The following ELAVL1 variants were observed in gnomAD, a reference collection of about 807,000 sequenced individuals.
The protein encoded by ELAVL1 is ELAV like RNA binding protein 1, also known as ELAV-like protein 1.
ELAVL1 carries 1 observed loss-of-function variant against 28.4 expected under a neutral mutation model. The observed-to-expected ratio is 0.04, with a 90% CI of 0.01 to 0.17. The LOEUF is 0.17. Among genes scored for constraint, ELAVL1 ranks in the 10% least tolerant of loss-of-function variants. ELAVL1 has a pLI of 1.00. For synonymous variants in ELAVL1, 174 were observed against 183.5 expected (o/e 0.95, Z 0.42); for missense variants, 157 against 447.2 (o/e 0.35, Z 5.85).
chr19:7,993,710 C>T (rs943707829), intron 1 of ELAVL1, among the ~76,000 whole-genome samples: 3 of 152,162 alleles, frequency 2.0e-5, no homozygotes, highest in South Asian at 2.1e-4. Flanking sequence ...GATGGCCACC[C>T]GCCTGGAGGT....
rs1271903430 is a variant in ELAVL1 at position 7,963,753 on chromosome 19, T to C, written c.711A>G (p.Pro237=). The C allele has an allele frequency of 1.2e-6, 2 of 1,614,274 alleles. No individual in the cohort carries two copies. Among genetic ancestry groups the C allele is most frequent in the Non-Finnish European group, 8.5e-7 (1 of 1,180,048 alleles). The change falls in exon 6 of 6, where the codon CCA becomes CCG. Residue 237 remains proline (P), a synonymous_variant. Coordinates refer to ENST00000407627, the MANE Select transcript of ELAVL1 (RefSeq NM_001419.3). This position sits in a 1 kb window ranked among gnomAD's most constrained non-coding sequence, Gnocchi z 4.5. ...HMSGLSGVNV[P]GNASSGWCIF... ...TGCACCAGCCGGAGGAGGCGTTTCCTGGCACGTTGACGCCAGAGAGCCCGC... is the reference window on the plus strand; with the variant it reads ...TGCACCAGCCGGAGGAGGCGTTTCCCGGCACGTTGACGCCAGAGAGCCCGC...
chr19:7,990,941 G>A (rs542921985), intron 2 of ELAVL1, among the ~76,000 whole-genome samples: 2 of 152,178 alleles, frequency 1.3e-5, no homozygotes, highest in Admixed American at 6.5e-5. Context: ...GCCTTCACAA[G>A]TGCCAGGACC....
At chr19:7,994,633 T>C (rs1985832210) in intron 1 of ELAVL1, among the ~76,000 whole-genome samples, 1 of 152,190 alleles carries the variant, frequency 6.6e-6, no homozygotes. Flanking sequence ...GCCAGTCACA[T>C]GGAATAAAAT....
intron 2 of ELAVL1, among the ~76,000 whole-genome samples, chr19:7,990,090 T>C (rs749686285): frequency 2.0e-5 from 3 of 152,244 alleles, no homozygotes; most frequent in African/African-American, 7.2e-5. Context: ...TGGCACAATC[T>C]CAGCTCATTG....
At chr19:7,970,967 G>A (rs1985093673) in intron 4 of ELAVL1, among the ~76,000 whole-genome samples, 1 of 152,214 alleles carries the variant, frequency 6.6e-6, no homozygotes, top group African/African-American at 2.4e-5. Flanking sequence ...TACAGCCCTG[G>A]GATGGGAGCC....
At position 7,971,021 on chromosome 19, in the gene ELAVL1, C is replaced by T. The variant is rs1331550113; in HGVS notation, c.430+2704G>A. Reference sequence around the variant, plus strand: ...TGCATCCTGGGGTGGGAAGCAGAGCCGGGAGACCCTCCTGGCTCCCTTCTC... The same window carrying T: ...TGCATCCTGGGGTGGGAAGCAGAGCTGGGAGACCCTCCTGGCTCCCTTCTC... On this transcript the variant is annotated intron_variant, in intron 4 of 5. Coordinates refer to ENST00000407627, the MANE Select transcript of ELAVL1 (RefSeq NM_001419.3). 1.9e-4 allele frequency among the ~76,000 whole-genome samples: 29 copies of T among 152,166 alleles called. 1 individual carries two copies. The highest frequency in any genetic ancestry group is 6.5e-5 in the Admixed American group (1 of 15,278).
chr19:7,974,809 A>AGCC (rs1985233608), intron 3 of ELAVL1, among the ~76,000 whole-genome samples: 2 of 152,202 alleles, frequency 1.3e-5, no homozygotes, highest in Admixed American at 1.3e-4. Flanking sequence ...CGCAGGGAGA[A>AGCC]GCCGCCACTC....
At chr19:7,997,509 G>A (rs2081053601) in intron 1 of ELAVL1, among the ~76,000 whole-genome samples, 1 of 152,184 alleles carries the variant, frequency 6.6e-6, no homozygotes, top group Admixed American at 6.6e-5. Flanking sequence ...ATTACACAGG[G>A]ACAGGAGGAG....
At chr19:7,991,936 T>C (rs866380784) in intron 1 of ELAVL1, 105 bp from the exon 2 acceptor site, 64 of 1,031,050 alleles carry the variant, frequency 6.2e-5, no homozygotes, top group South Asian at 2.0e-4. Context: ...TTCTTTCTTT[T>C]TTTTTTTTTT....
chr19:7,989,092 C>T (rs1985687230), intron 2 of ELAVL1, among the ~76,000 whole-genome samples: 2 of 152,158 alleles, frequency 1.3e-5, no homozygotes, highest in African/African-American at 4.8e-5. Flanking sequence ...GGATCAGATT[C>T]GCCGGGGTGC....
chr19:7,988,754 C>T (rs554122572), intron 2 of ELAVL1, among the ~76,000 whole-genome samples: 22 of 152,324 alleles, frequency 1.4e-4, no homozygotes, highest in Admixed American at 7.2e-4. Flanking sequence ...GTGTCCAGTG[C>T]GGCGTCCAGC....
intron 3 of ELAVL1, among the ~76,000 whole-genome samples, chr19:7,976,121 G>C (rs1472254879): frequency 6.8e-6 from 1 of 146,668 alleles, no homozygotes; most frequent in Non-Finnish European, 1.5e-5. Context: ...ATTTTTTTTT[G>C]GCTGGGCGCA....
Position 7,961,818 on chromosome 19 carries a change from A to G in ELAVL1, c.*1665T>C, listed in dbSNP as rs536246649. 6.6e-6 allele frequency: 1 copy of G among 152,130 alleles called. No individual in the cohort carries two copies. The highest frequency in any genetic ancestry group is 1.5e-5 in the Non-Finnish European group (1 of 68,028). 9.4% of individuals were successfully genotyped at this position (152,130 alleles called of 1,614,324 possible). On this transcript the variant is annotated 3_prime_UTR_variant, in exon 6 of 6. Coordinates refer to ENST00000407627, the MANE Select transcript of ELAVL1 (RefSeq NM_001419.3). ...GCTCTGGGGACGGTGGTGCCTGCCT[A>G]TTGCTCAATTTCACACTTCAATAAA... is the stretch of plus-strand genomic sequence containing the variant.
intron 2 of ELAVL1, among the ~76,000 whole-genome samples, chr19:7,986,287 TGA>T (rs1472585096): frequency 1.3e-5 from 2 of 152,172 alleles, no homozygotes; most frequent in Non-Finnish European, 2.9e-5. Context: ...AAGACCTCAC[TGA>T]GAGACAGAGA....
At position 7,963,250 on chromosome 19, in the gene ELAVL1, T is replaced by C. The variant is rs1031111900; in HGVS notation, c.*233A>G. 2 of 537,504 alleles carry C rather than the reference T, an allele frequency of 3.7e-6. No individual in the cohort carries two copies. The highest frequency in any genetic ancestry group is 6.5e-6 in the Non-Finnish European group (2 of 306,758). 33.3% of individuals were successfully genotyped at this position (537,504 alleles called of 1,614,324 possible). A position where few individuals can be genotyped will look rare whatever the true frequency, so the allele number is the denominator to read the frequency against. Reference sequence around the variant, plus strand: ...CAGTTCTACTTAGATTTCTGTTTAATATATATCTTAAAGGAAATAACTTAC... The same window carrying C: ...CAGTTCTACTTAGATTTCTGTTTAACATATATCTTAAAGGAAATAACTTAC... On this transcript the variant is annotated 3_prime_UTR_variant, in exon 6 of 6. Coordinates refer to ENST00000407627, the MANE Select transcript of ELAVL1 (RefSeq NM_001419.3). The surrounding 1 kb of genome is among the most constrained non-coding windows in gnomAD (Gnocchi z 4.5).
At chr19:7,989,524 C>T (rs778439147) in intron 2 of ELAVL1, among the ~76,000 whole-genome samples, 4 of 152,212 alleles carry the variant, frequency 2.6e-5, no homozygotes, top group African/African-American at 9.6e-5. Context: ...CACAAGGGAA[C>T]AGACAAAGAA....
chr19:7,998,681 C>G (rs549472040), intron 1 of ELAVL1, among the ~76,000 whole-genome samples: 5 of 152,092 alleles, frequency 3.3e-5, no homozygotes, highest in Non-Finnish European at 5.9e-5. Flanking sequence ...GGGGGTCTCT[C>G]TTTGTTGCCC....
At position 7,978,721 on chromosome 19, in the gene ELAVL1, A is replaced by G. The variant is rs184687193; in HGVS notation, c.276+2362T>C. ...TGGCGGGAACCCTGAATTTGTAGCC[A>G]GCTGGTCAAAAGTGCAGGGGCCTGG... On this transcript the variant is annotated intron_variant, in intron 3 of 5. Transcript: ENST00000407627. Among the ~76,000 whole-genome samples, 15 of 152,304 alleles carry G rather than the reference A, an allele frequency of 9.8e-5. No homozygotes were observed. The East Asian group carries it at 2.9e-3, about 29-fold the overall frequency.
chr19:7,969,309 C>T (rs543429988), intron 4 of ELAVL1, among the ~76,000 whole-genome samples: 1 of 152,348 alleles, frequency 6.6e-6, no homozygotes, highest in African/African-American at 2.4e-5. Context: ...CCAGGCAGCC[C>T]GGGGCCTTGG....
Sources: allele counts gnomAD v4.1 joint callset (sites outside exome capture counted in the v4.1 genomes callset), GRCh38; gene constraint gnomAD v4.1.1; non-coding constraint Gnocchi (gnomAD v3.1); transcripts MANE v1.5; gene names NCBI Gene and HGNC (gene_info 2026-07-23, HGNC 2026-07-21).